Variants in EYS observed in about 807,000 individuals in gnomAD.
The protein encoded by EYS is EGF-like photoreceptor maintenance factor, also known as protein eyes shut homolog.
In EYS, 250 loss-of-function variants were observed where a neutral mutation model predicts 282.1. The ratio of observed to expected loss-of-function variants is 0.89; its 90% CI spans 0.80 to 0.98. EYS has a LOEUF of 0.98. EYS is among the 50% of genes least tolerant of loss of function. The probability of loss-of-function intolerance (pLI) is 0.00; values close to 1 mark genes in which losing one functional copy is unlikely to be tolerated. For missense variants in EYS, 4,016 were observed against 3,709.0 expected (o/e 1.08, Z -2.15); for synonymous variants, 1,355 against 1,282.9 (o/e 1.06, Z -1.20).
chr6:65,700,776 A>C (rs535895337), intron 1 of EYS, among the ~76,000 whole-genome samples: 1 of 152,116 alleles, frequency 6.6e-6, no homozygotes, highest in African/African-American at 2.4e-5. Flanking sequence ...GCTTCCTTTC[A>C]CAGGAAACCA....
At chr6:64,414,418 C>T (rs1351546306) in intron 28 of EYS, among the ~76,000 whole-genome samples, 1 of 151,930 alleles carries the variant, frequency 6.6e-6, no homozygotes, top group East Asian at 1.9e-4. Flanking sequence ...TTCCAGGCAG[C>T]CTTGATTCAA....
At chr6:64,305,164 T>C (rs142958753) in intron 30 of EYS, among the ~76,000 whole-genome samples, 5 of 152,342 alleles carry the variant, frequency 3.3e-5, no homozygotes, top group Admixed American at 3.3e-4. Context: ...AGATTGCTCA[T>C]GCTTAGTGGG....
chr6:64,681,650 T>A (rs192775624), intron 22 of EYS, among the ~76,000 whole-genome samples: 245 of 152,090 alleles, frequency 1.6e-3, no homozygotes, highest in African/African-American at 5.5e-3. Flanking sequence ...TCCCAACATT[T>A]TGGGAGGCTG....
At chr6:65,213,782 C>T (rs914254638) in intron 12 of EYS, among the ~76,000 whole-genome samples, 1 of 152,030 alleles carries the variant, frequency 6.6e-6, no homozygotes, top group Non-Finnish European at 1.5e-5. Flanking sequence ...CCTACATGGC[C>T]TTTAAGTGTT....
intron 26 of EYS, 38 bp from the exon 27 acceptor site, chr6:64,439,390 TA>T: frequency 7.5e-7 from 1 of 1,330,006 alleles, no homozygotes; most frequent in Non-Finnish European, 1.0e-6. Flanking sequence ...TAGGTTGAAA[TA>T]AATATTCAAT....
intron 15 of EYS, among the ~76,000 whole-genome samples, chr6:64,924,749 A>G (rs1768458670): frequency 6.6e-6 from 1 of 152,170 alleles, no homozygotes; most frequent in African/African-American, 2.4e-5. Flanking sequence ...CTTTGCTAAA[A>G]CATAACAAGA....
intron 5 of EYS, among the ~76,000 whole-genome samples, chr6:65,447,452 G>C (rs1054985529): frequency 6.7e-6 from 1 of 149,680 alleles, no homozygotes; most frequent in African/African-American, 2.4e-5. Context: ...AATTTTTTTA[G>C]TGTATATGTG....
At chr6:65,488,443 A>C (rs1765896320) in intron 5 of EYS, among the ~76,000 whole-genome samples, 1 of 152,172 alleles carries the variant, frequency 6.6e-6, no homozygotes, top group African/African-American at 2.4e-5. Context: ...GTCTTCAAGG[A>C]AAACTATAAA....
intron 35 of EYS, among the ~76,000 whole-genome samples, chr6:63,932,304 G>A (rs544857395): frequency 4.7e-4 from 71 of 152,212 alleles, no homozygotes; most frequent in African/African-American, 1.5e-3. Flanking sequence ...CAAGGTGCAG[G>A]TATCTCTTTA....
intron 13 of EYS, among the ~76,000 whole-genome samples, chr6:65,040,048 C>T (rs907978741): frequency 1.3e-5 from 2 of 151,640 alleles, no homozygotes; most frequent in African/African-American, 4.8e-5. Context: ...ATAGTTGCTC[C>T]TTACCAGGTT....
chr6:64,388,863 T>A, intron 28 of EYS, 23 bp from the exon 29 acceptor site: 1 of 1,469,100 alleles, frequency 6.8e-7, no homozygotes, highest in Non-Finnish European at 9.0e-7. Context: ...AAGAAAGAAA[T>A]GGTTTTAGTA....
chr6:65,656,525 C>G (rs1252000363), intron 1 of EYS, among the ~76,000 whole-genome samples: 1 of 151,886 alleles, frequency 6.6e-6, no homozygotes, highest in Non-Finnish European at 1.5e-5. Flanking sequence ...AAAGTTTAAT[C>G]TGTAGCAAGG....
intron 31 of EYS, among the ~76,000 whole-genome samples, chr6:64,169,431 G>GTTTTTTTTTTTTTTTTTTTTT (rs35657029): frequency 7.1e-5 from 10 of 140,980 alleles, no homozygotes; most frequent in African/African-American, 2.7e-4. Context: ...TTGAGGAGGA[G>GTTTTTTTTTTTTTTTTTTTTT]TTTTTTTTTT....
chr6:63,864,020 T>A (rs1772611290), intron 36 of EYS, among the ~76,000 whole-genome samples, 166 bp downstream of exon 36: 1 of 152,158 alleles, frequency 6.6e-6, no homozygotes, highest in South Asian at 2.1e-4. Context: ...ACCTGCTTGG[T>A]GATCAGTCTC....
At chr6:65,430,031 G>A (rs908299041) in intron 5 of EYS, among the ~76,000 whole-genome samples, 1 of 152,086 alleles carries the variant, frequency 6.6e-6, no homozygotes, top group Non-Finnish European at 1.5e-5. Context: ...TAGGAAAGAT[G>A]AGTAATTTGC....
intron 19 of EYS, among the ~76,000 whole-genome samples, chr6:64,875,697 G>A (rs561433373): frequency 4.6e-5 from 7 of 151,958 alleles, no homozygotes; most frequent in African/African-American, 1.2e-4. Flanking sequence ...TATAATTTTT[G>A]GTACCACTGG....
chr6:64,857,204 T>C (rs1275190888), intron 19 of EYS, among the ~76,000 whole-genome samples: 1 of 152,194 alleles, frequency 6.6e-6, no homozygotes, highest in African/African-American at 2.4e-5. Flanking sequence ...GATCCTTTTA[T>C]CTAATACATG....
At chr6:65,459,489 C>A (rs771316688) in intron 5 of EYS, among the ~76,000 whole-genome samples, 20 of 151,566 alleles carry the variant, frequency 1.3e-4, no homozygotes, top group Non-Finnish European at 2.8e-4. Flanking sequence ...TTGGAATATG[C>A]AAATGATTAA....
At chr6:64,495,387 T>C (rs936992040) in intron 26 of EYS, among the ~76,000 whole-genome samples, 1 of 151,780 alleles carries the variant, frequency 6.6e-6, no homozygotes, top group African/African-American at 2.4e-5. Flanking sequence ...TGACAATAAC[T>C]TGGAATCACC....
Sources: gnomAD v4.1 joint callset for allele counts (sites outside exome capture counted in the v4.1 genomes callset) on GRCh38, gnomAD v4.1.1 for gene constraint, MANE v1.5 for transcripts, NCBI Gene and HGNC (gene_info 2026-07-23, HGNC 2026-07-21) for gene names.